Variants in ACSL3 observed in about 807,000 individuals in gnomAD.
ACSL3 encodes the protein fatty acid CoA ligase Acsl3.
In ACSL3, 34 loss-of-function variants were observed where a neutral mutation model predicts 84.7. The ratio of observed to expected loss-of-function variants is 0.40; its 90% confidence interval spans 0.31 to 0.53. The LOEUF (loss-of-function observed/expected upper bound fraction) is 0.53, where lower values mean the gene tolerates loss of function less well. Ranked by LOEUF, ACSL3 falls within the 20% of genes least tolerant of loss-of-function variation. The probability of loss-of-function intolerance (pLI) is 0.48; values close to 1 mark genes in which losing one functional copy is unlikely to be tolerated. For synonymous variants in ACSL3, 315 were observed against 299.4 expected, an observed-to-expected ratio of 1.05 and a Z score of -0.54; for missense variants, 680 against 873.1, an observed-to-expected ratio of 0.78 and a Z score of 2.79.
At chr2:222,917,437 T>C (rs1371798861) in intron 5 of ACSL3, 1 of 152,206 alleles carries the variant, frequency 6.6e-6, no homozygotes, top group South Asian at 2.1e-4. Flanking sequence ...TTGTCACAGG[T>C]TTGGATTTAC....
At chr2:222,904,890 T>A (rs568797747) in intron 3 of ACSL3, 1 of 153,764 alleles carries the variant, frequency 6.5e-6, no homozygotes, top group African/African-American at 2.4e-5. Context: ...TTTAGTAGGA[T>A]GTCAGAATTT....
chr2:222,878,777 G>A (rs181528909), intron 1 of ACSL3, among the ~76,000 whole-genome samples: 1 of 152,110 alleles, frequency 6.6e-6, no homozygotes, highest in African/African-American at 2.4e-5. Context: ...CTCGTTACAC[G>A]CCACCATTCT....
At chr2:222,917,523 G>A (rs993317535) in intron 5 of ACSL3, 10 of 152,108 alleles carry the variant, frequency 6.6e-5, no homozygotes, top group African/African-American at 2.4e-4. Context: ...TAGGCAGAAA[G>A]TAAATAAAAA....
At chr2:222,883,242 A>G (rs748500865) in intron 1 of ACSL3, among the ~76,000 whole-genome samples, 70 of 149,674 alleles carry the variant, frequency 4.7e-4, no homozygotes, top group Non-Finnish European at 9.0e-4. Context: ...GTATAGTGGC[A>G]GGATCTTGGC....
chr2:222,864,772 A>G (rs976918791), intron 1 of ACSL3, among the ~76,000 whole-genome samples: 2 of 152,168 alleles, frequency 1.3e-5, no homozygotes, highest in Non-Finnish European at 2.9e-5. Context: ...CAGAGTTCCT[A>G]AAAGGATGGG....
At position 222,909,094 on chromosome 2, in the gene ACSL3, C is replaced by T; in HGVS notation, c.322C>T (p.Arg108Cys). The change falls in exon 4 of 17, where the codon CGT becomes TGT. Residue 108 changes from arginine to cysteine, a missense_variant. By Grantham distance (180) the Arg-to-Cys change is radical. Around this residue, in one of 2 missense-constraint regions of ACSL3, gnomAD observed 333 missense variants for 347.5 expected, o/e 0.96. Coordinates refer to ENST00000357430, the MANE Select transcript of ACSL3 (RefSeq NM_004457.5). ...KFKNKRLLGT[R>C]EVLNEEDEVQ... is the part of the protein sequence containing the mutation. ...TAAGAACAAAAGACTCTTGGGAACA[C>T]GTGAAGTTTTAAATGAGGAAGATGA... 3 of 1,604,430 alleles carry T rather than the reference C, an allele frequency of 1.9e-6. No individual in the cohort carries two copies. Among genetic ancestry groups the T allele is most frequent in the Non-Finnish European group, 2.5e-6 (3 of 1,177,822 alleles).
intron 4 of ACSL3, among the ~76,000 whole-genome samples, chr2:222,914,057 G>A (rs1288030667): frequency 6.6e-6 from 1 of 152,138 alleles, no homozygotes. Flanking sequence ...CAGTTGCAGA[G>A]AGAATGGTTA....
At chr2:222,921,498 C>T in intron 8 of ACSL3, 68 bp downstream of exon 8, 2 of 1,423,766 alleles carry the variant, frequency 1.4e-6, no homozygotes, top group East Asian at 2.3e-5. Flanking sequence ...GCATTTGTGT[C>T]ATTTTATTAA....
intron 13 of ACSL3, 31 bp downstream of exon 13, chr2:222,928,967 A>G (rs763472073): frequency 1.1e-5 from 18 of 1,571,892 alleles, no homozygotes; most frequent in South Asian, 5.6e-5. Context: ...CAGAGCATTA[A>G]TTTTTAAAGT....
intron 3 of ACSL3, among the ~76,000 whole-genome samples, chr2:222,901,681 C>T (rs1173198789): frequency 1.3e-5 from 2 of 151,946 alleles, no homozygotes; most frequent in East Asian, 1.9e-4. Context: ...GCATGGTGGC[C>T]CACGCCTGTA....
At chr2:222,897,757 C>CA (rs1158029504) in intron 2 of ACSL3, among the ~76,000 whole-genome samples, 5 of 39,036 alleles carry the variant, frequency 1.3e-4, no homozygotes, top group African/African-American at 2.0e-4. Flanking sequence ...CCGTCTCCAC[C>CA]AAAAAAAAAC....
Position 222,920,921 on chromosome 2 carries a change from C to T in ACSL3, c.806-359C>T, listed in dbSNP as rs539972618. On this transcript the variant is annotated intron_variant, in intron 7 of 16. Coordinates refer to ENST00000357430, the MANE Select transcript of ACSL3 (RefSeq NM_004457.5). Reference sequence around the variant, plus strand: ...TTCCTTCTAATTAGAACACTCTTCTCCCAGTTCCAGGGTTTCCATGGCTCC... The same window carrying T: ...TTCCTTCTAATTAGAACACTCTTCTTCCAGTTCCAGGGTTTCCATGGCTCC... The T allele has an allele frequency of 6.1e-5, 29 of 473,702 alleles. 1 individual carries two copies. The highest frequency in any genetic ancestry group is 5.4e-4 in the African/African-American group (27 of 49,914). The allele number at this position is 473,702 out of a possible 1,614,324, so 29.3% of individuals were successfully genotyped here. A position where few individuals can be genotyped will look rare whatever the true frequency, so the allele number is the denominator to read the frequency against.
chr2:222,898,797 A>C (rs1696060472), intron 2 of ACSL3, among the ~76,000 whole-genome samples: 1 of 152,228 alleles, frequency 6.6e-6, no homozygotes, highest in Admixed American at 6.5e-5. Context: ...ACTGCACTCC[A>C]GCCTGGGCAA....
Position 222,921,466 on chromosome 2 carries a change from A to G in ACSL3, c.956+36A>G, listed in dbSNP as rs764538983. 8 of 1,536,804 alleles carry G rather than the reference A, an allele frequency of 5.2e-6. No individual in the cohort carries two copies. In the African/African-American group the frequency reaches 6.8e-5, roughly 13 times the overall value. ...GTAAAGTAACATTGAGTAGTTAAGT[A>G]TTTATGTCTGTTATAATGTTAGCAT... On this transcript the variant is annotated intron_variant, in intron 8 of 16. Coordinates refer to ENST00000357430, the MANE Select transcript of ACSL3 (RefSeq NM_004457.5).
intron 1 of ACSL3, among the ~76,000 whole-genome samples, chr2:222,863,515 A>G (rs182368901): frequency 3.3e-5 from 5 of 152,322 alleles, no homozygotes; most frequent in African/African-American, 1.2e-4. Context: ...TAAAGCTTAA[A>G]TAGTCCTCTA....
At chr2:222,930,508 C>G in intron 13 of ACSL3, 113 bp from the exon 14 acceptor site, 1 of 902,128 alleles carries the variant, frequency 1.1e-6, no homozygotes. Flanking sequence ...TGCCTTTTTT[C>G]CTTTGGGAAG....
At chr2:222,868,707 G>A (rs1241095053) in intron 1 of ACSL3, among the ~76,000 whole-genome samples, 1 of 152,112 alleles carries the variant, frequency 6.6e-6, no homozygotes, top group South Asian at 2.1e-4. Context: ...AGCACTTTGG[G>A]AGGCCGAGGA....
intron 8 of ACSL3, among the ~76,000 whole-genome samples, chr2:222,922,026 A>G (rs1696753395): frequency 6.6e-6 from 1 of 152,178 alleles, no homozygotes. Flanking sequence ...CGTAATTGCT[A>G]TGGTACTGAA....
Position 222,918,042 on chromosome 2 carries a change from T to G in ACSL3, c.557-4T>G, listed in dbSNP as rs758546573. 1 of 1,599,946 alleles carries G rather than the reference T, an allele frequency of 6.3e-7. No individual in the cohort carries two copies. The highest frequency in any genetic ancestry group is 8.5e-7 in the Non-Finnish European group (1 of 1,170,376). On this transcript the variant is annotated splice_polypyrimidine_tract_variant and splice_region_variant and intron_variant, in intron 5 of 16. Transcript: ENST00000357430. ...ATTTGACTGGCTGCTGCTTTTCCTT[T>G]TAGTTGTTACATTATATGCCACTCT...
Sources: allele counts gnomAD v4.1 joint callset (sites outside exome capture counted in the v4.1 genomes callset), GRCh38; gene constraint gnomAD v4.1.1; regional missense constraint gnomAD v4.1.1; transcripts MANE v1.5; gene names NCBI Gene and HGNC (gene_info 2026-07-23, HGNC 2026-07-21).